COQ8A: variants seen among roughly 807,000 people sequenced by gnomAD.
COQ8A encodes atypical kinase COQ8A, mitochondrial.
COQ8A carries 51 observed loss-of-function variants against 65.0 expected under a neutral mutation model. The observed-to-expected ratio is 0.78, with a 90% CI of 0.63 to 0.99. The LOEUF (loss-of-function observed/expected upper bound fraction) is 0.99. COQ8A is among the 50% of genes least tolerant of loss of function. The pLI, the probability that COQ8A is intolerant of heterozygous loss-of-function variation, is 0.00. For synonymous variants in COQ8A, 371 were observed against 353.2 expected (o/e 1.05, Z -0.57); for missense variants, 940 against 875.0 (o/e 1.07, Z -0.94).
In COQ8A at chr1:226,946,957, G is replaced by C. The variant is rs1657081136; in HGVS notation, c.-10+6558G>C. Reference sequence around the variant, plus strand: ...TATGTTTAAGATCAAACTGGCTCTGGAACCAAGCTTTGCCTCTAGTGGGTA... The same window carrying C: ...TATGTTTAAGATCAAACTGGCTCTGCAACCAAGCTTTGCCTCTAGTGGGTA... On this transcript the variant is annotated intron_variant, in intron 1 of 14. Transcript: ENST00000366777. The surrounding 1 kb of genome is among the most constrained non-coding windows in gnomAD (Gnocchi z 5.3). Among the ~76,000 whole-genome samples, 1 of 152,194 alleles carries C rather than the reference G, an allele frequency of 6.6e-6. No individual in the cohort carries two copies. Among genetic ancestry groups the C allele is most frequent in the South Asian group, 2.1e-4 (1 of 4,832 alleles).
chr1:226,968,370 A>G (rs1396696277), intron 4 of COQ8A, among the ~76,000 whole-genome samples: 1 of 152,154 alleles, frequency 6.6e-6, no homozygotes, highest in Non-Finnish European at 1.5e-5. Flanking sequence ...TTCAATAGAA[A>G]AGATTAGAAT....
intron 1 of COQ8A, chr1:226,958,237 A>C (rs1043525056): frequency 1.3e-5 from 2 of 152,224 alleles, no homozygotes; most frequent in African/African-American, 4.8e-5. Flanking sequence ...ACCCAAATAA[A>C]TAAAAAAGAC....
chr1:226,958,631 T>G (rs1487564631), intron 1 of COQ8A, among the ~76,000 whole-genome samples: 1 of 152,142 alleles, frequency 6.6e-6, no homozygotes, highest in Non-Finnish European at 1.5e-5. Flanking sequence ...GAACCTCCGG[T>G]TGACTTTTTA....
chr1:226,954,358 A>G (rs1437511950), intron 1 of COQ8A, among the ~76,000 whole-genome samples: 2 of 152,266 alleles, frequency 1.3e-5, no homozygotes, highest in East Asian at 3.8e-4. Context: ...CTGCCTGGCC[A>G]TAGGCATGGG....
chr1:226,966,242 A>G (rs917092195), intron 4 of COQ8A, among the ~76,000 whole-genome samples: 2 of 152,216 alleles, frequency 1.3e-5, no homozygotes, highest in South Asian at 2.1e-4. Flanking sequence ...ACAAGATGCC[A>G]TGGCCTCCAG....
chr1:226,984,068 G>T, intron 10 of COQ8A, 26 bp from the exon 11 acceptor site: 1 of 1,611,994 alleles, frequency 6.2e-7, no homozygotes, highest in South Asian at 1.1e-5. Flanking sequence ...CCTGTGGCTA[G>T]GGCGTGACCT....
At chr1:226,970,461 G>A (rs2148076464) in intron 4 of COQ8A, among the ~76,000 whole-genome samples, 1 of 152,190 alleles carries the variant, frequency 6.6e-6, no homozygotes, top group Non-Finnish European at 1.5e-5. Flanking sequence ...GTAATACAAC[G>A]GTATTTGTGT....
intron 12 of COQ8A, 110 bp downstream of exon 12, chr1:226,984,765 G>A (rs1035419729): frequency 4.2e-5 from 63 of 1,482,600 alleles, no homozygotes; most frequent in Non-Finnish European, 5.6e-5. Flanking sequence ...GAGAGCTCAG[G>A]GCTCTGGGAG....
chr1:226,984,949 G>C lies in COQ8A; in HGVS notation c.1572+8G>C. ...ACCGACCTCTACATTCAGGTAACTG[G>C]AGAGGGGCCCTGGCCTTGGTCCATG... On this transcript the variant is annotated splice_region_variant and intron_variant, in intron 13 of 14. Transcript: ENST00000366777. 6.2e-7 allele frequency: 1 copy of C among 1,614,090 alleles called. No homozygotes were observed.
chr1:226,977,454 G>A lies in COQ8A; in HGVS notation c.661G>A (p.Ala221Thr). The change falls in exon 5 of 15, where the codon GCC (alanine) becomes ACC (threonine). Residue 221 changes from alanine to threonine, a missense_variant. Coordinates refer to ENST00000366777, the MANE Select transcript of COQ8A (RefSeq NM_020247.5). ...IGRLANFGGL[A>T]VGLGFGALAE... ...CCGCCCCCTCCTCCTTGCAGGTCTG[G>A]CCGTGGGCCTGGGCTTCGGGGCACT... The A allele has an allele frequency of 1.3e-6, 2 of 1,562,742 alleles. No homozygotes were observed. The highest frequency in any genetic ancestry group is 1.2e-5 in the South Asian group (1 of 84,910).
intron 11 of COQ8A, 38 bp downstream of exon 11, chr1:226,984,273 C>A: frequency 6.2e-7 from 1 of 1,611,358 alleles, no homozygotes. Flanking sequence ...GCCAGGGTGG[C>A]CCTGCTGTGT....
At chr1:226,969,844 T>C (rs1572053706) in intron 4 of COQ8A, among the ~76,000 whole-genome samples, 1 of 152,258 alleles carries the variant, frequency 6.6e-6, no homozygotes, top group Non-Finnish European at 1.5e-5. Context: ...TGTGGATGTA[T>C]TGGAGTTTAT....
chr1:226,953,018 G>A (rs1377931134), intron 1 of COQ8A, among the ~76,000 whole-genome samples: 2 of 151,952 alleles, frequency 1.3e-5, no homozygotes, highest in Admixed American at 6.6e-5. Context: ...ACCTTTCACA[G>A]TGTTATTTTA....
At chr1:226,952,889 G>A (rs1021144026) in intron 1 of COQ8A, among the ~76,000 whole-genome samples, 1 of 152,016 alleles carries the variant, frequency 6.6e-6, no homozygotes, top group Non-Finnish European at 1.5e-5. Flanking sequence ...TTTGCTTCCT[G>A]TCACCTCCCT....
At chr1:226,942,733 A>G (rs1656779604) in intron 1 of COQ8A, among the ~76,000 whole-genome samples, 1 of 152,126 alleles carries the variant, frequency 6.6e-6, no homozygotes, top group Admixed American at 6.5e-5. Context: ...CATGGGTATG[A>G]TTTGTGGAGT....
chr1:226,943,877 G>A (rs185278176), intron 1 of COQ8A, among the ~76,000 whole-genome samples: 6 of 152,216 alleles, frequency 3.9e-5, no homozygotes, highest in Admixed American at 3.9e-4. Flanking sequence ...AAGTGGTGAT[G>A]CGGTATGTGT....
intron 1 of COQ8A, among the ~76,000 whole-genome samples, chr1:226,944,535 C>T (rs1244296309): frequency 6.6e-6 from 1 of 151,578 alleles, no homozygotes; most frequent in African/African-American, 2.4e-5. Flanking sequence ...AGAGATGTGG[C>T]CAAGAATGTG....
At chr1:226,970,976 T>G (rs1209382998) in intron 4 of COQ8A, among the ~76,000 whole-genome samples, 1 of 152,094 alleles carries the variant, frequency 6.6e-6, no homozygotes, top group African/African-American at 2.4e-5. Flanking sequence ...GTTTTGCTCT[T>G]GTCACCCAGG....
intron 4 of COQ8A, among the ~76,000 whole-genome samples, chr1:226,969,849 G>A (rs1297510189): frequency 2.6e-5 from 4 of 152,158 alleles, no homozygotes; most frequent in African/African-American, 9.7e-5. Flanking sequence ...ATGTATTGGA[G>A]TTTATATCTA....
Sources: allele counts gnomAD v4.1 joint callset (sites outside exome capture counted in the v4.1 genomes callset), GRCh38; gene constraint gnomAD v4.1.1; non-coding constraint Gnocchi (gnomAD v3.1); transcripts MANE v1.5; gene names NCBI Gene and HGNC (gene_info 2026-07-23, HGNC 2026-07-21).